TRIO: variants seen among roughly 807,000 people sequenced by gnomAD.
TRIO encodes trio Rho guanine nucleotide exchange factor, also known as triple functional domain protein.
Under a neutral mutation model 351.9 loss-of-function variants are expected in TRIO, and 58 were observed. The ratio of observed to expected loss-of-function variants is 0.16; its 90% CI spans 0.13 to 0.21. The LOEUF (loss-of-function observed/expected upper bound fraction) is 0.21, where lower values mean the gene tolerates loss of function less well. Among genes scored for constraint, TRIO ranks in the 10% least tolerant of loss-of-function variants. The pLI is 1.00. For synonymous variants in TRIO, 1,758 were observed against 1,595.7 expected (o/e 1.10, Z -2.42); for missense variants, 3,201 against 4,027.8 (o/e 0.79, Z 5.56).
At chr5:14,256,796 G>A (rs949455115) in intron 1 of TRIO, among the ~76,000 whole-genome samples, 1 of 152,216 alleles carries the variant, frequency 6.6e-6, no homozygotes, top group Non-Finnish European at 1.5e-5. Flanking sequence ...TGTTTTGGTC[G>A]CAGAGTTGAC....
rs3789156 is a variant in TRIO at position 14,503,952 on chromosome 5, C to T, written c.8412-441C>T. ...GGGTCCTCGTGCCTGCCCCACACAC[C>T]CCCACAGGGGCGAGGCTGAGGCAGT... On this transcript the variant is annotated intron_variant, in intron 54 of 56. Transcript: ENST00000344204. 2.6e-5 allele frequency among the ~76,000 whole-genome samples: 4 copies of T among 152,210 alleles called. No homozygotes were observed. In the East Asian group the frequency reaches 7.7e-4, roughly 29 times the overall value.
At chr5:14,471,492 A>T (rs1170160651) in intron 38 of TRIO, 26 bp downstream of exon 38, 1 of 1,612,900 alleles carries the variant, frequency 6.2e-7, no homozygotes, top group South Asian at 1.1e-5. Context: ...TTTCATTCTT[A>T]TTGTTCTCTG....
chr5:14,304,332 G>A, intron 7 of TRIO, 129 bp from the exon 8 acceptor site: 1 of 923,134 alleles, frequency 1.1e-6, no homozygotes. Context: ...CATTTGAGAT[G>A]GAGAGTCAAC....
In TRIO at chr5:14,487,765, T is replaced by G. The variant is rs1438853045; in HGVS notation, c.7137T>G (p.Pro2379=). 1.5e-6 allele frequency: 2 copies of G among 1,368,724 alleles called. No homozygotes were observed. The highest frequency in any genetic ancestry group is 6.6e-5 in the East Asian group (2 of 30,104). The allele number at this position is 1,368,724 out of a possible 1,614,324, so 84.8% of individuals were successfully genotyped here. A position where few individuals can be genotyped will look rare whatever the true frequency, so the allele number is the denominator to read the frequency against. Residue 2379 remains proline (P), a synonymous_variant, in exon 48 of 57, where the codon CCT becomes CCG. Transcript: ENST00000344204. ...TSTPGPSLPP[P]GAAPEAGPSA... ...CCCCCGGGCCCTCCCTGCCTCCCCC[T>G]GGCGCGGCCCCCGAGGCCGGCCCCA...
chr5:14,180,822 G>A (rs1789720949), intron 1 of TRIO, among the ~76,000 whole-genome samples: 1 of 149,284 alleles, frequency 6.7e-6, no homozygotes, highest in African/African-American at 2.4e-5. Context: ...AGAGTGAGTG[G>A]TCCCATGTCC....
intron 25 of TRIO, among the ~76,000 whole-genome samples, chr5:14,390,024 T>G (rs1382764737): frequency 6.6e-6 from 1 of 152,182 alleles, no homozygotes; most frequent in African/African-American, 2.4e-5. Context: ...GTGAACACAC[T>G]AGCACTTGCC....
intron 19 of TRIO, among the ~76,000 whole-genome samples, chr5:14,376,513 C>T (rs1745569849): frequency 1.3e-5 from 2 of 152,178 alleles, no homozygotes; most frequent in African/African-American, 4.8e-5. Context: ...AAAAATGGGA[C>T]TATATTACCT....
Position 14,394,081 on chromosome 5 carries a change from A to G in TRIO, c.4262A>G (p.Tyr1421Cys). The change falls in exon 28 of 57, where the codon TAC (tyrosine) becomes TGC (cysteine). Residue 1421 changes from tyrosine to cysteine, a missense_variant. Around this residue, in one of 19 missense-constraint regions of TRIO, gnomAD observed 115 missense variants for 239.6 expected, o/e 0.48. Transcript: ENST00000344204. ...GGATTAGCCAATTCCATTTCTTCCT[A>G]CCTTATTAAACCAGTTCAGCGAATA... ...RHGLANSISS[Y>C]LIKPVQRITK... is the part of the protein sequence containing the mutation. 1 of 1,613,294 alleles carries G rather than the reference A, an allele frequency of 6.2e-7. No homozygotes were observed. Among genetic ancestry groups the G allele is most frequent in the Non-Finnish European group, 8.5e-7 (1 of 1,179,562 alleles).
At chr5:14,208,425 A>C (rs895274357) in intron 1 of TRIO, among the ~76,000 whole-genome samples, 1 of 152,254 alleles carries the variant, frequency 6.6e-6, no homozygotes, top group African/African-American at 2.4e-5. Flanking sequence ...GACATATTGC[A>C]TGATGCCATT....
chr5:14,304,652 G>A (rs1453752061), intron 8 of TRIO, 60 bp downstream of exon 8: 31 of 1,543,776 alleles, frequency 2.0e-5, no homozygotes, highest in South Asian at 1.5e-4. Context: ...ATAGTACACC[G>A]GAAGCTAGAA....
intron 41 of TRIO, among the ~76,000 whole-genome samples, chr5:14,478,690 T>A (rs1302792923): frequency 6.6e-6 from 1 of 151,148 alleles, no homozygotes; most frequent in Admixed American, 6.6e-5. Context: ...TGGTGGCTCA[T>A]GCCTGTAATC....
chr5:14,413,777 ATAG>A (rs1186400812), intron 33 of TRIO, among the ~76,000 whole-genome samples: 3 of 152,220 alleles, frequency 2.0e-5, no homozygotes, highest in Non-Finnish European at 4.4e-5. Flanking sequence ...TGTTTGTAAA[ATAG>A]TAGAGCACTG....
chr5:14,349,255 G>A (rs1374571913), intron 11 of TRIO, among the ~76,000 whole-genome samples: 1 of 144,174 alleles, frequency 6.9e-6, no homozygotes, highest in East Asian at 2.1e-4. Context: ...ACACACGTGA[G>A]CATGTGTTTT....
At position 14,363,806 on chromosome 5, in the gene TRIO, G is replaced by C. The variant is rs775895525; in HGVS notation, c.2466G>C (p.Thr822=). The change falls in exon 14 of 57, where the codon ACG becomes ACC. Residue 822 remains threonine, a synonymous_variant. Coordinates refer to ENST00000344204, the MANE Select transcript of TRIO (RefSeq NM_007118.4). ...ATGACTTCGACACAGAAGATCTCACGATTGCAGAGCAGCGCCTCCAGCACC... is the reference window on the plus strand; with the variant it reads ...ATGACTTCGACACAGAAGATCTCACCATTGCAGAGCAGCGCCTCCAGCACC... ...QMNDFDTEDL[T]IAEQRLQHHA... 6 of 1,614,202 alleles carry C rather than the reference G, an allele frequency of 3.7e-6. No homozygotes were observed. The South Asian group carries it at 6.6e-5, about 18-fold the overall frequency.
intron 47 of TRIO, among the ~76,000 whole-genome samples, chr5:14,486,856 CT>C (rs1159462043): frequency 6.6e-6 from 1 of 152,140 alleles, no homozygotes; most frequent in African/African-American, 2.4e-5. Context: ...GGGGCTGGGG[CT>C]GGGGGGCTGC....
Position 14,487,518 on chromosome 5 carries a change from G to A in TRIO, c.6890G>A (p.Gly2297Asp), listed in dbSNP as rs753865163. ...AACCACAGCGGGGGCGGCGGCGGCG[G>A]CGGCAGCGGGGGCAGCGGCGGGGGT... ...QRNHSGGGGGGGSGGSGGGGG... is the reference protein window; with the variant it reads ...QRNHSGGGGGDGSGGSGGGGG... The change falls in exon 48 of 57, where the codon GGC becomes GAC. Residue 2297 changes from glycine (G) to aspartate (D), a missense_variant. By Grantham distance (94) the Gly-to-Asp change is moderately conservative (BLOSUM62 -1). This residue lies in a region of TRIO where 1,089 missense variants were observed against 954.9 expected (regional missense o/e 1.14). Coordinates refer to ENST00000344204, the MANE Select transcript of TRIO (RefSeq NM_007118.4). 9 of 1,069,342 alleles carry A rather than the reference G, an allele frequency of 8.4e-6. No homozygotes were observed. The highest frequency in any genetic ancestry group is 1.0e-5 in the Non-Finnish European group (9 of 872,222). 66.2% of individuals were successfully genotyped at this position (1,069,342 alleles called of 1,614,324 possible).
intron 9 of TRIO, among the ~76,000 whole-genome samples, chr5:14,330,514 A>T (rs1447399082): frequency 6.6e-6 from 1 of 152,248 alleles, no homozygotes; most frequent in Non-Finnish European, 1.5e-5. Flanking sequence ...TCATTATTGC[A>T]TGCAATGTTT....
intron 13 of TRIO, among the ~76,000 whole-genome samples, chr5:14,361,224 T>A (rs568935971): frequency 1.1e-3 from 161 of 152,068 alleles, no homozygotes; most frequent in Non-Finnish European, 1.7e-3. Flanking sequence ...GAGAAAAAAA[T>A]TTTTAATATT....
At chr5:14,178,102 C>G (rs1476874034) in intron 1 of TRIO, among the ~76,000 whole-genome samples, 1 of 151,990 alleles carries the variant, frequency 6.6e-6, no homozygotes, top group Admixed American at 6.6e-5. Context: ...TTCATTTTGC[C>G]ACTTCTTTTA....
Sources: gnomAD v4.1 joint callset for allele counts (sites outside exome capture counted in the v4.1 genomes callset) on GRCh38, gnomAD v4.1.1 for gene constraint, gnomAD v4.1.1 regional missense constraint, MANE v1.5 for transcripts, NCBI Gene and HGNC (gene_info 2026-07-23, HGNC 2026-07-21) for gene names.